The following NEGR1 variants were observed in gnomAD, a reference collection of about 807,000 sequenced individuals.
NEGR1 encodes the protein IgLON family member 4.
Under a neutral mutation model 40.9 loss-of-function variants are expected in NEGR1, and 10 were observed. The ratio of observed to expected loss-of-function variants is 0.24; its 90% confidence interval spans 0.15 to 0.42. NEGR1 has a LOEUF of 0.42. Among genes scored for constraint, NEGR1 ranks in the 10% least tolerant of loss-of-function variants. The pLI, the probability that NEGR1 is intolerant of heterozygous loss-of-function variation, is 1.00. For synonymous variants in NEGR1, 185 were observed against 166.8 expected (o/e 1.11, Z -0.84); for missense variants, 352 against 438.9 (o/e 0.80, Z 1.77).
intron 3 of NEGR1, among the ~76,000 whole-genome samples, chr1:71,744,309 C>T (rs1655312789): frequency 1.0e-5 from 1 of 95,346 alleles, no homozygotes; most frequent in African/African-American, 3.6e-5. Context: ...ATATAAAGTG[C>T]TTGGTAAATG....
intron 1 of NEGR1, among the ~76,000 whole-genome samples, chr1:72,091,164 C>G (rs900547740): frequency 6.6e-6 from 1 of 152,138 alleles, no homozygotes; most frequent in South Asian, 2.1e-4. Context: ...GAGCATGAAG[C>G]TACTGCCTGT....
chr1:72,105,897 G>C (rs955404878), intron 1 of NEGR1, among the ~76,000 whole-genome samples: 25 of 152,178 alleles, frequency 1.6e-4, no homozygotes, highest in African/African-American at 5.8e-4. Context: ...AGTTTACTGA[G>C]AGCAGAAGAT....
chr1:71,573,345 T>C (rs1381575355), intron 6 of NEGR1: 1 of 152,228 alleles, frequency 6.6e-6, no homozygotes, highest in East Asian at 1.9e-4. Context: ...TTGCCATTTT[T>C]TTAGATGAAT....
At chr1:71,654,841 A>G (rs979790145) in intron 4 of NEGR1, among the ~76,000 whole-genome samples, 8 of 152,202 alleles carry the variant, frequency 5.3e-5, no homozygotes, top group South Asian at 2.1e-4. Flanking sequence ...AGGTCTGTCT[A>G]ATATACAGCT....
At chr1:72,275,054 C>T (rs879156216) in intron 1 of NEGR1, 1 of 1,412,976 alleles carries the variant, frequency 7.1e-7, no homozygotes, top group African/African-American at 1.4e-5. Flanking sequence ...TTGGAACCAA[C>T]TGAGCAGAAA....
intron 1 of NEGR1, among the ~76,000 whole-genome samples, chr1:72,067,975 C>G (rs185160369): frequency 6.6e-6 from 1 of 152,226 alleles, no homozygotes; most frequent in African/African-American, 2.4e-5. Flanking sequence ...TTGCCAAGTT[C>G]TCCTTTCACA....
chr1:71,840,843 G>A (rs1659210715), intron 2 of NEGR1, among the ~76,000 whole-genome samples: 1 of 152,136 alleles, frequency 6.6e-6, no homozygotes, highest in African/African-American at 2.4e-5. Flanking sequence ...AAATAAAGTA[G>A]ATTGCCTTTT....
intron 2 of NEGR1, among the ~76,000 whole-genome samples, chr1:71,784,805 G>A (rs921745318): frequency 6.6e-5 from 10 of 152,180 alleles, no homozygotes; most frequent in Non-Finnish European, 1.5e-4. Flanking sequence ...CATGAAGTAG[G>A]TTTAGTATAC....
At chr1:71,846,055 C>T (rs1191270775) in intron 2 of NEGR1, among the ~76,000 whole-genome samples, 2 of 151,772 alleles carry the variant, frequency 1.3e-5, no homozygotes, top group East Asian at 1.9e-4. Context: ...TGGGCCACCA[C>T]CCCCAGCCAA....
At chr1:71,785,502 T>A (rs1656879672) in intron 2 of NEGR1, among the ~76,000 whole-genome samples, 1 of 152,174 alleles carries the variant, frequency 6.6e-6, no homozygotes. Flanking sequence ...AAAATTTCTA[T>A]TCCATTGAGC....
intron 4 of NEGR1, among the ~76,000 whole-genome samples, chr1:71,687,894 C>A (rs1653089932): frequency 6.6e-6 from 1 of 152,242 alleles, no homozygotes; most frequent in South Asian, 2.1e-4. Context: ...TTAGCCCTTC[C>A]ATGAATTCCA....
chr1:71,782,890 C>T lies in NEGR1; in HGVS notation c.410-6593G>A, dbSNP rs541727286. Among the ~76,000 whole-genome samples the T allele has an allele frequency of 3.3e-5, 5 of 152,190 alleles. No homozygotes were observed. The East Asian group carries it at 5.8e-4, about 18-fold the overall frequency. ...GTCCTTTGCCTACTATAGCTTTTGC[C>T]ATGCAAACCCAGAGAAATAACTGGA... On this transcript the variant is annotated intron_variant, in intron 2 of 6. Transcript: ENST00000357731.
At chr1:71,535,080 T>C (rs1215256826) in intron 6 of NEGR1, among the ~76,000 whole-genome samples, 1 of 151,696 alleles carries the variant, frequency 6.6e-6, no homozygotes. Context: ...TCGTAATTTA[T>C]AGAGTATGCA....
At chr1:71,693,350 G>A (rs1399972958) in intron 4 of NEGR1, among the ~76,000 whole-genome samples, 1 of 151,544 alleles carries the variant, frequency 6.6e-6, no homozygotes, top group African/African-American at 2.4e-5. Context: ...GATTCACCTG[G>A]AGGACTCTAA....
chr1:71,435,157 G>T (rs888409531), intron 6 of NEGR1, among the ~76,000 whole-genome samples: 1 of 152,028 alleles, frequency 6.6e-6, no homozygotes, highest in Admixed American at 6.6e-5. Context: ...ATCAGCAGGG[G>T]CAAAAACGTT....
chr1:71,868,638 C>G (rs368329483), intron 2 of NEGR1, among the ~76,000 whole-genome samples: 14 of 152,072 alleles, frequency 9.2e-5, no homozygotes, highest in African/African-American at 3.4e-4. Context: ...CTTTCTGTTA[C>G]CAACTATCTT....
chr1:71,729,817 T>C (rs758036436), intron 3 of NEGR1, among the ~76,000 whole-genome samples: 1 of 150,910 alleles, frequency 6.6e-6, no homozygotes, highest in Non-Finnish European at 1.5e-5. Context: ...TTTGTTTTTT[T>C]GTTTTGTTTT....
chr1:71,868,483 C>CAGA (rs1360660164), intron 2 of NEGR1, among the ~76,000 whole-genome samples: 62 of 142,500 alleles, frequency 4.4e-4, no homozygotes, highest in African/African-American at 1.6e-3. Flanking sequence ...TACATACATA[C>CAGA]ATACATACAT....
In NEGR1 at chr1:71,840,162, T is replaced by A. The variant is rs560262807; in HGVS notation, c.410-63865A>T. Among the ~76,000 whole-genome samples the A allele has an allele frequency of 2.6e-5, 4 of 152,290 alleles. No homozygotes were observed. The East Asian group carries it at 7.7e-4, about 30-fold the overall frequency. ...GAAGTGGGATCAGTTTGAGTTTCCC[T>A]ATCATACCTGATTTAAGTGAATCAG... On this transcript the variant is annotated intron_variant, in intron 2 of 6. Transcript: ENST00000357731.
Sources: gnomAD v4.1 joint callset for allele counts (sites outside exome capture counted in the v4.1 genomes callset) on GRCh38, gnomAD v4.1.1 for gene constraint, MANE v1.5 for transcripts, NCBI Gene and HGNC (gene_info 2026-07-23, HGNC 2026-07-21) for gene names.